FBXO42: variants seen among roughly 807,000 people sequenced by gnomAD.
The protein encoded by FBXO42 is F-box only protein 42.
FBXO42 carries 12 observed loss-of-function variants against 71.7 expected under a neutral mutation model. The ratio of observed to expected loss-of-function variants is 0.17; its 90% CI spans 0.11 to 0.27. The LOEUF (loss-of-function observed/expected upper bound fraction) is 0.27, where lower values mean the gene tolerates loss of function less well. Ranked by LOEUF, FBXO42 falls within the 10% of genes least tolerant of loss-of-function variation. The pLI, the probability that FBXO42 is intolerant of heterozygous loss-of-function variation, is 1.00. For synonymous variants in FBXO42, 325 were observed against 327.5 expected (o/e 0.99, Z 0.08); for missense variants, 707 against 911.9 (o/e 0.78, Z 2.89).
intron 1 of FBXO42, among the ~76,000 whole-genome samples, chr1:16,339,200 C>G (rs562179506): frequency 1.6e-4 from 25 of 152,248 alleles, no homozygotes; most frequent in African/African-American, 5.3e-4. Context: ...GAGGAGAGGA[C>G]CTCCTTCCAT....
chr1:16,251,794 C>CA lies in FBXO42; in HGVS notation c.1039-10dup. 6.2e-7 allele frequency: 1 copy of CA among 1,607,818 alleles called. No individual in the cohort carries two copies. Among genetic ancestry groups the CA allele is most frequent in the Non-Finnish European group, 8.5e-7 (1 of 1,176,542 alleles). On this transcript the variant is annotated splice_polypyrimidine_tract_variant and intron_variant, in intron 9 of 9. Transcript: ENST00000375592. This position sits in a 1 kb window ranked among gnomAD's most constrained non-coding sequence, Gnocchi z 4.5. Reference sequence around the variant, plus strand: ...ACCACACACTGTCCCACCTGGAAGACAAAGGACCAGTGCTCACACTCTTCT... The same window carrying CA: ...ACCACACACTGTCCCACCTGGAAGACAAAAGGACCAGTGCTCACACTCTTCT...
intron 4 of FBXO42, among the ~76,000 whole-genome samples, chr1:16,281,852 T>G (rs1334465276): frequency 1.3e-5 from 2 of 151,812 alleles, no homozygotes; most frequent in African/African-American, 4.8e-5. Flanking sequence ...GAGACAGGGT[T>G]TCACATGCTG....
chr1:16,338,804 C>CTTT (rs71574177), intron 1 of FBXO42, among the ~76,000 whole-genome samples: 1,585 of 80,924 alleles, frequency 0.02, 87 homozygotes, highest in African/African-American at 0.03. Context: ...TTCCATTTGT[C>CTTT]TTTTTTTTTT....
intron 1 of FBXO42, among the ~76,000 whole-genome samples, chr1:16,346,970 C>T (rs191605166): frequency 2.1e-4 from 32 of 151,454 alleles, no homozygotes; most frequent in Non-Finnish European, 4.1e-4. Flanking sequence ...GTCTTGAACT[C>T]CTGACCTCAA....
intron 1 of FBXO42, among the ~76,000 whole-genome samples, chr1:16,315,935 C>T (rs945748948): frequency 6.6e-6 from 1 of 152,090 alleles, no homozygotes; most frequent in African/African-American, 2.4e-5. Flanking sequence ...CTTTGGGAGA[C>T]CGAGGCGGGC....
intron 4 of FBXO42, among the ~76,000 whole-genome samples, chr1:16,270,034 T>C (rs1050649535): frequency 2.6e-5 from 4 of 152,076 alleles, no homozygotes; most frequent in African/African-American, 7.2e-5. Flanking sequence ...TTTTGTATTT[T>C]TGGTATAGAC....
At position 16,335,542 on chromosome 1, in the gene FBXO42, T is replaced by C. The variant is rs558166522; in HGVS notation, c.-18+16713A>G. Among the ~76,000 whole-genome samples the C allele has an allele frequency of 1.3e-4, 20 of 152,258 alleles. No homozygotes were observed. The South Asian group carries it at 4.1e-3, about 32-fold the overall frequency. The stretch of plus-strand genomic sequence containing the variant: ...ATCTATTCTTTATTTCGCTGTAGTA[T>C]TAAACTTCATGATGCAAATCTGGAT... On this transcript the variant is annotated intron_variant, in intron 1 of 9. Transcript: ENST00000375592.
chr1:16,311,803 A>C (rs1417351733), intron 2 of FBXO42, among the ~76,000 whole-genome samples: 4 of 152,144 alleles, frequency 2.6e-5, no homozygotes, highest in Non-Finnish European at 5.9e-5. Context: ...ACAGTTTGGC[A>C]GTTCCTTACA....
intron 1 of FBXO42, among the ~76,000 whole-genome samples, chr1:16,328,296 T>C (rs1349370578): frequency 3.3e-5 from 5 of 152,090 alleles, no homozygotes; most frequent in East Asian, 1.9e-4. Flanking sequence ...CTAAGTAACT[T>C]TGGAAATAAG....
intron 1 of FBXO42, among the ~76,000 whole-genome samples, chr1:16,343,208 G>A (rs1453319242): frequency 1.3e-5 from 2 of 152,092 alleles, no homozygotes; most frequent in Non-Finnish European, 2.9e-5. Flanking sequence ...ATATTTTCCA[G>A]TTTTTGGCTG....
At chr1:16,310,050 C>G (rs561720435) in intron 2 of FBXO42, among the ~76,000 whole-genome samples, 1 of 151,840 alleles carries the variant, frequency 6.6e-6, no homozygotes, top group Non-Finnish European at 1.5e-5. Context: ...AAAAAATTAG[C>G]CGGGTGTGGT....
intron 4 of FBXO42, among the ~76,000 whole-genome samples, chr1:16,286,762 C>T (rs183401198): frequency 6.6e-6 from 1 of 152,292 alleles, no homozygotes; most frequent in Admixed American, 6.5e-5. Flanking sequence ...CCTTGCCAAC[C>T]TTGATCACCC....
intron 2 of FBXO42, among the ~76,000 whole-genome samples, chr1:16,311,503 A>AAT (rs1553153697): frequency 0.063 from 4,096 of 65,240 alleles, 121 homozygotes; most frequent in Admixed American, 0.092. Context: ...AAAAAAAAAA[A>AAT]ATATATATAT....
At chr1:16,253,051 C>A (rs535727004) in intron 8 of FBXO42, 45 bp downstream of exon 8, 1 of 1,560,280 alleles carries the variant, frequency 6.4e-7, no homozygotes, top group South Asian at 1.1e-5. Flanking sequence ...AGGTTTTGAA[C>A]ACTTAGTAGC....
chr1:16,290,144 G>A (rs191137496), intron 4 of FBXO42, among the ~76,000 whole-genome samples: 2 of 152,176 alleles, frequency 1.3e-5, no homozygotes, highest in East Asian at 1.9e-4. Context: ...CCCAACACTC[G>A]TCACCACTCT....
chr1:16,280,775 A>C (rs2081955286), intron 4 of FBXO42, among the ~76,000 whole-genome samples: 4 of 152,102 alleles, frequency 2.6e-5, no homozygotes, highest in Admixed American at 2.0e-4. Context: ...CCCAGTCTCC[A>C]GAAAAAAAAA....
At chr1:16,313,374 G>GAAAGAAAGAAAGAA (rs1557597991) in intron 2 of FBXO42, among the ~76,000 whole-genome samples, 2 of 139,652 alleles carry the variant, frequency 1.4e-5, no homozygotes, top group African/African-American at 5.7e-5. Context: ...GAAAGAAAGA[G>GAAAGAAAGAAAGAA]AAAAGAAAGA....
chr1:16,301,873 T>C (rs1265865084), intron 3 of FBXO42, among the ~76,000 whole-genome samples: 7 of 152,074 alleles, frequency 4.6e-5, no homozygotes, highest in Non-Finnish European at 8.8e-5. Flanking sequence ...GCTCAAGTCA[T>C]TCTCCTGCCT....
At chr1:16,317,959 C>A (rs187070054) in intron 1 of FBXO42, among the ~76,000 whole-genome samples, 89 of 151,636 alleles carry the variant, frequency 5.9e-4, no homozygotes, top group African/African-American at 2.0e-3. Context: ...ATATACTATA[C>A]GATTACAATT....
Sources: gnomAD v4.1 joint callset for allele counts (sites outside exome capture counted in the v4.1 genomes callset) on GRCh38, gnomAD v4.1.1 for gene constraint, Gnocchi (gnomAD v3.1) non-coding constraint, MANE v1.5 for transcripts, NCBI Gene and HGNC (gene_info 2026-07-23, HGNC 2026-07-21) for gene names.